DRC11: variants seen among roughly 807,000 people sequenced by gnomAD.
DRC11 encodes the protein dynein regulatory complex subunit 11.
the DRC11 span, chr2:236,507,319 T>C: frequency 1.9e-6 from 3 of 1,609,968 alleles, no homozygotes; most frequent in African/African-American, 1.3e-5. Context: ...CTTCCGTTGC[T>C]CTCTGAAGGA....
At chr2:236,489,113 T>C in the DRC11 span, among the ~76,000 whole-genome samples, 3 of 133,616 alleles carry the variant, frequency 2.2e-5, no homozygotes, top group South Asian at 7.8e-4. Flanking sequence ...GTGAGGCCTG[T>C]GTGGGCTCTG....
the DRC11 span, among the ~76,000 whole-genome samples, chr2:236,396,835 C>T: frequency 6.6e-6 from 1 of 152,194 alleles, no homozygotes; most frequent in Non-Finnish European, 1.5e-5. Context: ...ATAGGCCAGG[C>T]ACTGCTCTCA....
chr2:236,491,180 TAC>T, the DRC11 span, among the ~76,000 whole-genome samples: 135 of 43,654 alleles, frequency 3.1e-3, 4 homozygotes, highest in African/African-American at 0.018. Context: ...TATATATATA[TAC>T]ACACAGTATA....
the DRC11 span, among the ~76,000 whole-genome samples, chr2:236,442,580 C>G: frequency 6.6e-6 from 1 of 152,140 alleles, no homozygotes. Flanking sequence ...GGATTTGTCT[C>G]GTGCCTGGAA....
chr2:236,349,717 C>T, the DRC11 span, among the ~76,000 whole-genome samples: 3 of 152,146 alleles, frequency 2.0e-5, no homozygotes, highest in Admixed American at 2.0e-4. This position sits in a 1 kb window ranked among gnomAD's most constrained non-coding sequence, Gnocchi z 5.5. Context: ...GCACTGGGGC[C>T]TCCTTGAGGG....
the DRC11 span, among the ~76,000 whole-genome samples, chr2:236,389,263 C>G: frequency 1.3e-5 from 2 of 152,184 alleles, no homozygotes; most frequent in Non-Finnish European, 2.9e-5. Flanking sequence ...CCCCCAGCCT[C>G]GCTGCCGCCT....
At chr2:236,459,845 C>T in the DRC11 span, among the ~76,000 whole-genome samples, 13 of 151,824 alleles carry the variant, frequency 8.6e-5, no homozygotes, top group Non-Finnish European at 1.5e-4. Context: ...TTACTTTTAA[C>T]ATTGGGAAAA....
chr2:236,467,590 G>A, the DRC11 span, among the ~76,000 whole-genome samples: 2 of 152,092 alleles, frequency 1.3e-5, no homozygotes, highest in African/African-American at 2.4e-5. Flanking sequence ...ACACTGTTGT[G>A]CTTCTGGTCA....
At chr2:236,483,025 T>A in the DRC11 span, among the ~76,000 whole-genome samples, 1 of 152,194 alleles carries the variant, frequency 6.6e-6, no homozygotes, top group African/African-American at 2.4e-5. This position sits in a 1 kb window ranked among gnomAD's most constrained non-coding sequence, Gnocchi z 4.8. Flanking sequence ...CTGTACCCAT[T>A]AAGCAACAAC....
At chr2:236,343,867 CTT>C in the DRC11 span, 35 of 619,074 alleles carry the variant, frequency 5.7e-5, no homozygotes, top group Non-Finnish European at 9.1e-5. The surrounding 1 kb of genome is among the most constrained non-coding windows in gnomAD (Gnocchi z 6.6). Context: ...AGCTTCCACT[CTT>C]TATCCAAATC....
At chr2:236,356,490 T>A in the DRC11 span, among the ~76,000 whole-genome samples, 2 of 152,196 alleles carry the variant, frequency 1.3e-5, no homozygotes, top group Non-Finnish European at 2.9e-5. Flanking sequence ...AGAGGCCAGC[T>A]GGGGGGCCAC....
the DRC11 span, among the ~76,000 whole-genome samples, chr2:236,356,984 T>TTA: frequency 1.1e-4 from 12 of 110,242 alleles, no homozygotes; most frequent in Admixed American, 4.8e-4. Context: ...TATTCATATA[T>TTA]TATATATCTA....
At chr2:236,382,630 C>T in the DRC11 span, among the ~76,000 whole-genome samples, 3 of 152,124 alleles carry the variant, frequency 2.0e-5, no homozygotes, top group Admixed American at 6.5e-5. Context: ...TGGCATTGTG[C>T]AGTTTTAACA....
chr2:236,367,012 G>T, the DRC11 span, among the ~76,000 whole-genome samples: 1 of 145,490 alleles, frequency 6.9e-6, no homozygotes, highest in Non-Finnish European at 1.5e-5. The surrounding 1 kb of genome is among the most constrained non-coding windows in gnomAD (Gnocchi z 4.8). Context: ...AGCAGAGATG[G>T]GGTTTCACCA....
At chr2:236,337,251 C>T in the DRC11 span, among the ~76,000 whole-genome samples, 6 of 152,184 alleles carry the variant, frequency 3.9e-5, no homozygotes, top group South Asian at 8.3e-4. The surrounding 1 kb of genome is among the most constrained non-coding windows in gnomAD (Gnocchi z 4.9). Context: ...GGTGGAATAA[C>T]GTGCTGTTTG....
the DRC11 span, chr2:236,331,411 G>A: frequency 1.9e-5 from 31 of 1,613,738 alleles, no homozygotes; most frequent in Admixed American, 2.0e-4. The surrounding 1 kb of genome is among the most constrained non-coding windows in gnomAD (Gnocchi z 4.8). Context: ...GGTTATCGCC[G>A]TAATAAACTC....
At chr2:236,486,846 T>C in the DRC11 span, 2 of 1,609,866 alleles carry the variant, frequency 1.2e-6, no homozygotes, top group South Asian at 1.1e-5. This position sits in a 1 kb window ranked among gnomAD's most constrained non-coding sequence, Gnocchi z 5.7. Flanking sequence ...AGGAAGATCA[T>C]CTCCTCTTCT....
the DRC11 span, chr2:236,486,831 T>C: frequency 1.1e-5 from 17 of 1,606,436 alleles, no homozygotes; most frequent in South Asian, 2.2e-5. The surrounding 1 kb of genome is among the most constrained non-coding windows in gnomAD (Gnocchi z 5.7). Flanking sequence ...AAACTTACCA[T>C]ACCCAGGAAG....
chr2:236,336,518 C>T, the DRC11 span, among the ~76,000 whole-genome samples: 2 of 152,076 alleles, frequency 1.3e-5, no homozygotes, highest in Non-Finnish European at 2.9e-5. This position sits in a 1 kb window ranked among gnomAD's most constrained non-coding sequence, Gnocchi z 7.3. Flanking sequence ...CTGCTCCTGC[C>T]ACTGACCATC....
Sources: gnomAD v4.1 joint callset for allele counts (sites outside exome capture counted in the v4.1 genomes callset) on GRCh38, gnomAD v4.1.1 for gene constraint, Gnocchi (gnomAD v3.1) non-coding constraint, MANE v1.5 for transcripts, NCBI Gene and HGNC (gene_info 2026-07-23, HGNC 2026-07-21) for gene names.